Variants in RALYL observed in about 807,000 individuals in gnomAD.
The protein encoded by RALYL is RALY RNA binding protein like.
RALYL carries 29 observed loss-of-function variants against 35.1 expected under a neutral mutation model. The observed-to-expected ratio is 0.83, with a 90% CI of 0.61 to 1.13. The LOEUF (loss-of-function observed/expected upper bound fraction) is 1.13, where lower values mean the gene tolerates loss of function less well. Ranked by LOEUF, RALYL falls within the 50% of genes most tolerant of loss-of-function variation. The pLI is 0.00. For missense variants in RALYL, 359 were observed against 360.4 expected (o/e 1.00, Z 0.03); for synonymous variants, 120 against 127.6 (o/e 0.94, Z 0.40).
intron 1 of RALYL, among the ~76,000 whole-genome samples, chr8:84,324,464 G>A (rs1157047469): frequency 2.0e-5 from 3 of 151,932 alleles, no homozygotes; most frequent in East Asian, 3.9e-4. Flanking sequence ...GAGTTCTTTT[G>A]AAGAATGCAT....
At chr8:84,806,953 A>G (rs1233735592) in intron 4 of RALYL, among the ~76,000 whole-genome samples, 2 of 152,064 alleles carry the variant, frequency 1.3e-5, no homozygotes, top group Non-Finnish European at 2.9e-5. Context: ...CCGGGCTACA[A>G]TGAACCGAGA....
intron 2 of RALYL, among the ~76,000 whole-genome samples, chr8:84,655,339 G>GT (rs1229187581): frequency 2.0e-5 from 3 of 150,514 alleles, no homozygotes; most frequent in South Asian, 4.2e-4. Context: ...TTTTGTTGTT[G>GT]TTTTTTTGAG....
chr8:84,878,322 A>T (rs1269125705), intron 7 of RALYL, among the ~76,000 whole-genome samples: 1 of 152,184 alleles, frequency 6.6e-6, no homozygotes, highest in Non-Finnish European at 1.5e-5. Context: ...CTACCACAGC[A>T]CTGGCAGGAC....
At chr8:84,595,212 A>G (rs568705294) in intron 2 of RALYL, among the ~76,000 whole-genome samples, 44 of 152,298 alleles carry the variant, frequency 2.9e-4, no homozygotes, top group African/African-American at 7.9e-4. Flanking sequence ...ACCAAATTAC[A>G]TCTCCAAATA....
chr8:84,480,299 A>G (rs1264153073), intron 1 of RALYL, among the ~76,000 whole-genome samples: 1 of 152,168 alleles, frequency 6.6e-6, no homozygotes, highest in African/African-American at 2.4e-5. Context: ...CTGACTCATT[A>G]TCATCATCAA....
intron 4 of RALYL, among the ~76,000 whole-genome samples, chr8:84,813,154 C>T (rs1052746540): frequency 6.6e-6 from 1 of 152,142 alleles, no homozygotes; most frequent in East Asian, 1.9e-4. Flanking sequence ...CAGATAAGGT[C>T]GGAAACTTTT....
At chr8:84,436,190 A>G (rs961788663) in intron 1 of RALYL, among the ~76,000 whole-genome samples, 4 of 152,164 alleles carry the variant, frequency 2.6e-5, no homozygotes, top group African/African-American at 9.7e-5. Context: ...AATACTCTAG[A>G]TGATTCTGAT....
intron 1 of RALYL, among the ~76,000 whole-genome samples, chr8:84,350,234 C>T (rs1360364741): frequency 6.7e-6 from 1 of 150,250 alleles, no homozygotes; most frequent in Non-Finnish European, 1.5e-5. Flanking sequence ...CCCCCACATA[C>T]CCTGACACTC....
intron 4 of RALYL, among the ~76,000 whole-genome samples, chr8:84,837,505 C>T (rs1411320886): frequency 1.3e-5 from 2 of 151,732 alleles, no homozygotes; most frequent in African/African-American, 4.9e-5. Flanking sequence ...GGGTATTAGC[C>T]TACTCATATG....
intron 2 of RALYL, among the ~76,000 whole-genome samples, chr8:84,769,868 A>G (rs913191573): frequency 6.6e-6 from 1 of 152,216 alleles, no homozygotes; most frequent in Admixed American, 6.5e-5. Context: ...GAATAAAGTA[A>G]GTAAGTTATG....
intron 2 of RALYL, among the ~76,000 whole-genome samples, chr8:84,713,220 C>T (rs1219000307): frequency 6.6e-6 from 1 of 151,922 alleles, no homozygotes; most frequent in Non-Finnish European, 1.5e-5. Flanking sequence ...TATACTTTCC[C>T]TATTATATGT....
In RALYL at chr8:84,256,566, G is replaced by T. The variant is rs1265428018; in HGVS notation, c.-24+72142G>T. Among the ~76,000 whole-genome samples the T allele has an allele frequency of 2.0e-5, 3 of 151,974 alleles. No individual in the cohort carries two copies. In the East Asian group the frequency reaches 5.8e-4, roughly 29 times the overall value. The stretch of plus-strand genomic sequence containing the variant: ...CTTGGCTGTATCCTTAAAATAGTAG[G>T]CTCTCATGCAGCTGTGGTAGAGCAA... On this transcript the variant is annotated intron_variant, in intron 1 of 8. Transcript: ENST00000521268.
intron 1 of RALYL, among the ~76,000 whole-genome samples, chr8:84,337,895 A>T (rs2130828614): frequency 6.6e-6 from 1 of 152,248 alleles, no homozygotes; most frequent in East Asian, 1.9e-4. Flanking sequence ...GATAATGCAA[A>T]GAAAGGCTAC....
chr8:84,778,165 C>T (rs1817290056), intron 3 of RALYL, among the ~76,000 whole-genome samples: 1 of 152,140 alleles, frequency 6.6e-6, no homozygotes, highest in Non-Finnish European at 1.5e-5. Flanking sequence ...CTCTGATTTA[C>T]CTTCCTGCTC....
chr8:84,414,068 C>T (rs996058268), intron 1 of RALYL, among the ~76,000 whole-genome samples: 17 of 151,904 alleles, frequency 1.1e-4, no homozygotes, highest in African/African-American at 3.1e-4. Flanking sequence ...TTAAGCTAAA[C>T]TTCTATTGTG....
chr8:84,197,242 A>T (rs1033026501), intron 1 of RALYL, among the ~76,000 whole-genome samples: 6 of 152,174 alleles, frequency 3.9e-5, no homozygotes, highest in Admixed American at 1.3e-4. Context: ...GAAGTCCATA[A>T]ATGTGGAAAA....
At chr8:84,808,105 A>G (rs1218203749) in intron 4 of RALYL, among the ~76,000 whole-genome samples, 1 of 152,092 alleles carries the variant, frequency 6.6e-6, no homozygotes, top group African/African-American at 2.4e-5. Context: ...CATTTTTCCA[A>G]TGTTATCTTC....
chr8:84,432,375 G>A (rs1185285988), intron 1 of RALYL, among the ~76,000 whole-genome samples: 1 of 152,102 alleles, frequency 6.6e-6, no homozygotes, highest in Non-Finnish European at 1.5e-5. Flanking sequence ...CAGGAGTTGA[G>A]GGGAGGGGAG....
chr8:84,713,911 A>G (rs1447215148), intron 2 of RALYL, among the ~76,000 whole-genome samples: 1 of 151,364 alleles, frequency 6.6e-6, no homozygotes, highest in Non-Finnish European at 1.5e-5. Flanking sequence ...TCTCAGACAT[A>G]TACATGTTTC....
Sources: allele counts gnomAD v4.1 joint callset (sites outside exome capture counted in the v4.1 genomes callset), GRCh38; gene constraint gnomAD v4.1.1; transcripts MANE v1.5; gene names NCBI Gene and HGNC (gene_info 2026-07-23, HGNC 2026-07-21).